The following C10orf88 variants were observed in gnomAD, a reference collection of about 807,000 sequenced individuals.
C10orf88 encodes ATPase PAAT.
Under a neutral mutation model 34.2 loss-of-function variants are expected in C10orf88, and 29 were observed. The observed-to-expected ratio is 0.85, with a 90% CI of 0.63 to 1.16. C10orf88 has a LOEUF of 1.16. Ranked by LOEUF, C10orf88 falls within the 50% of genes most tolerant of loss-of-function variation. C10orf88 has a pLI of 0.00. For synonymous variants in C10orf88, 194 were observed against 197.4 expected (o/e 0.98, Z 0.15); for missense variants, 507 against 533.2 (o/e 0.95, Z 0.48).
intron 4 of C10orf88, among the ~76,000 whole-genome samples, chr10:122,938,384 G>A (rs937792788): frequency 6.6e-6 from 1 of 151,884 alleles, no homozygotes; most frequent in African/African-American, 2.4e-5. Flanking sequence ...CATGAACGCA[G>A]GTCACTTAAC....
rs563480015 is a variant in C10orf88, at chr10:122,932,308, G to A, written c.*119C>T. 2 of 833,284 alleles carry A rather than the reference G, an allele frequency of 2.4e-6. No homozygotes were observed. The highest frequency in any genetic ancestry group is 5.4e-5 in the East Asian group (2 of 37,276). 51.6% of individuals were successfully genotyped at this position (833,284 alleles called of 1,614,324 possible). A position where few individuals can be genotyped will look rare whatever the true frequency, so the allele number is the denominator to read the frequency against. ...TAAAAACGAAAACTGAGGTCACTTT[G>A]TGTAAGACAATGATCCCTCAAAGGA... On this transcript the variant is annotated 3_prime_UTR_variant, in exon 6 of 6. Coordinates refer to ENST00000481909, the MANE Select transcript of C10orf88 (RefSeq NM_024942.4).
In C10orf88 at chr10:122,954,038, C is replaced by A; in HGVS notation, c.141G>T (p.Glu47Asp). 1.3e-6 allele frequency: 2 copies of A among 1,533,220 alleles called. No homozygotes were observed. Among genetic ancestry groups the A allele is most frequent in the Non-Finnish European group, 8.7e-7 (1 of 1,143,088 alleles). The allele number at this position is 1,533,220 out of a possible 1,614,324, so 95.0% of individuals were successfully genotyped here. Residue 47 changes from glutamate to aspartate, a missense_variant, in exon 1 of 6, where the codon GAG becomes GAT. Coordinates refer to ENST00000481909, the MANE Select transcript of C10orf88 (RefSeq NM_024942.4). ...GLGPGDFDWE[E>D]LLAPPAPGQD... ...ACCCTGGAGCAGGCGGTGCCAGCAG[C>A]TCCTCCCAGTCGAAGTCACCGGGGC...
intron 1 of C10orf88, 68 bp downstream of exon 1, chr10:122,953,947 C>A: frequency 7.0e-7 from 1 of 1,427,682 alleles, no homozygotes; most frequent in Non-Finnish European, 9.1e-7. Flanking sequence ...CTCGCCTCCC[C>A]TCACAGCTCC....
At chr10:122,949,588 A>T (rs1848671470) in intron 3 of C10orf88, among the ~76,000 whole-genome samples, 1 of 152,250 alleles carries the variant, frequency 6.6e-6, no homozygotes, top group Non-Finnish European at 1.5e-5. Flanking sequence ...GCAGGATGGC[A>T]GGAGATTCGA....
At chr10:122,943,898 G>A (rs1204524036) in intron 4 of C10orf88, among the ~76,000 whole-genome samples, 1 of 152,148 alleles carries the variant, frequency 6.6e-6, no homozygotes, top group African/African-American at 2.4e-5. Context: ...AGAATGTGGA[G>A]AAATAGGAAC....
chr10:122,933,432 TG>T (rs1277752776), intron 5 of C10orf88: 1 of 152,250 alleles, frequency 6.6e-6, no homozygotes. Flanking sequence ...ATTGCGCAAC[TG>T]CACTCCAGCC....
chr10:122,949,542 A>T lies in C10orf88; in HGVS notation c.442-687T>A, dbSNP rs118181649. ...GTAACATATACAGCAGGGACATACT[A>T]GACAAAAGGATGATTCATGTTCCAG... On this transcript the variant is annotated intron_variant, in intron 3 of 5. Transcript: ENST00000481909. Among the ~76,000 whole-genome samples the T allele has an allele frequency of 5.1e-4, 77 of 152,354 alleles. 1 individual carries two copies. The East Asian group carries it at 0.01, about 20-fold the overall frequency.
intron 4 of C10orf88, among the ~76,000 whole-genome samples, chr10:122,942,809 G>A (rs1211972691): frequency 1.2e-4 from 18 of 150,776 alleles, no homozygotes; most frequent in African/African-American, 3.4e-4. Flanking sequence ...TAGGAATCCA[G>A]CTTACAAGGG....
intron 3 of C10orf88, 83 bp from the exon 4 acceptor site, chr10:122,948,938 AGAGTG>A: frequency 1.7e-6 from 2 of 1,181,656 alleles, no homozygotes; most frequent in Admixed American, 4.5e-5. Flanking sequence ...GACCTAAACA[AGAGTG>A]AAGTATTCAA....
chr10:122,951,473 C>A (rs1848688936), intron 3 of C10orf88, among the ~76,000 whole-genome samples: 1 of 151,650 alleles, frequency 6.6e-6, no homozygotes, highest in Admixed American at 6.6e-5. Context: ...TCCTGAGTAA[C>A]TGGGATTATA....
chr10:122,940,715 T>C (rs1848573832), intron 4 of C10orf88, among the ~76,000 whole-genome samples: 1 of 152,084 alleles, frequency 6.6e-6, no homozygotes. Flanking sequence ...AATCCTTTAT[T>C]TCTCTTTATG....
chr10:122,952,422 T>TA (rs1848698754), intron 2 of C10orf88, among the ~76,000 whole-genome samples: 1 of 152,254 alleles, frequency 6.6e-6, no homozygotes, highest in South Asian at 2.1e-4. Context: ...AGCACAGTCT[T>TA]AGATCCCTCC....
At chr10:122,952,580 A>G (rs1444014195) in intron 2 of C10orf88, among the ~76,000 whole-genome samples, 2 of 152,194 alleles carry the variant, frequency 1.3e-5, no homozygotes, top group African/African-American at 4.8e-5. Flanking sequence ...TCCACTAACT[A>G]GCTATGACCT....
chr10:122,946,698 G>A (rs563199836), intron 4 of C10orf88, among the ~76,000 whole-genome samples: 7 of 152,160 alleles, frequency 4.6e-5, no homozygotes, highest in South Asian at 4.2e-4. Context: ...AAACTGATAC[G>A]GATTTGGAGG....
At chr10:122,948,472 T>C (rs1848659827) in intron 4 of C10orf88, among the ~76,000 whole-genome samples, 177 bp downstream of exon 4, 1 of 152,150 alleles carries the variant, frequency 6.6e-6, no homozygotes, top group East Asian at 1.9e-4. Context: ...AGTGTGAAAA[T>C]GTGTAGTCAA....
rs17653569 is a variant in C10orf88, at chr10:122,941,406, A to G, written c.649-3247T>C. Among the ~76,000 whole-genome samples, 1,439 of 152,270 alleles carry G rather than the reference A, an allele frequency of 9.5e-3. 18 individuals carry two copies. Among genetic ancestry groups the G allele is most frequent in the Non-Finnish European group, 0.014 (956 of 67,992 alleles). ...AACTTGGCGTGTTGAACTTTAATCAAACTTTCGAGAAAACAAGTAATTCCA... is the reference window on the plus strand; with the variant it reads ...AACTTGGCGTGTTGAACTTTAATCAGACTTTCGAGAAAACAAGTAATTCCA... On this transcript the variant is annotated intron_variant, in intron 4 of 5. Transcript: ENST00000481909.
At chr10:122,933,862 A>T (rs1007279688) in intron 5 of C10orf88, among the ~76,000 whole-genome samples, 7 of 152,208 alleles carry the variant, frequency 4.6e-5, no homozygotes, top group African/African-American at 1.4e-4. Context: ...AAATAATACT[A>T]TTCTCAATAA....
Position 122,931,019 on chromosome 10 carries a change from A to C in C10orf88, c.*1408T>G, listed in dbSNP as rs896229365. ...GAGGGGGTTAAAATATAATTTTTCT[A>C]ATAAAGGTGTTTCACATTCAAGCAA... On this transcript the variant is annotated 3_prime_UTR_variant, in exon 6 of 6. Coordinates refer to ENST00000481909, the MANE Select transcript of C10orf88 (RefSeq NM_024942.4). 1 of 152,134 alleles carries C rather than the reference A, an allele frequency of 6.6e-6. No individual in the cohort carries two copies. The highest frequency in any genetic ancestry group is 2.4e-5 in the African/African-American group (1 of 41,420). The allele number at this position is 152,134 out of a possible 1,614,324, so 9.4% of individuals were successfully genotyped here. A position where few individuals can be genotyped will look rare whatever the true frequency, so the allele number is the denominator to read the frequency against.
intron 1 of C10orf88, 24 bp downstream of exon 1, chr10:122,953,991 C>T (rs1445242425): frequency 6.7e-7 from 1 of 1,503,714 alleles, no homozygotes; most frequent in South Asian, 1.2e-5. Flanking sequence ...GCATAGCGAC[C>T]CCGTCCCCGT....
Sources: allele counts gnomAD v4.1 joint callset (sites outside exome capture counted in the v4.1 genomes callset), GRCh38; gene constraint gnomAD v4.1.1; transcripts MANE v1.5; gene names NCBI Gene and HGNC (gene_info 2026-07-23, HGNC 2026-07-21).